The following OXR1 variants were observed in gnomAD, a reference collection of about 807,000 sequenced individuals.
OXR1 encodes oxidation resistance protein 1.
Under a neutral mutation model 104.6 loss-of-function variants are expected in OXR1, and 41 were observed. That is an observed-to-expected ratio of 0.39 (90% CI 0.31 to 0.51). The LOEUF (loss-of-function observed/expected upper bound fraction) is 0.51. Among genes scored for constraint, OXR1 ranks in the 20% least tolerant of loss-of-function variants. OXR1 has a pLI of 0.77. For synonymous variants in OXR1, 348 were observed against 348.4 expected (o/e 1.00, Z 0.01); for missense variants, 955 against 1,031.9 (o/e 0.93, Z 1.02).
intron 3 of OXR1, among the ~76,000 whole-genome samples, chr8:106,605,661 G>A (rs1407321227): frequency 6.6e-6 from 1 of 151,036 alleles, no homozygotes; most frequent in Non-Finnish European, 1.5e-5. Context: ...AATTAGGCGG[G>A]CATGGTGGGC....
chr8:106,676,012 C>T (rs1402062843), intron 3 of OXR1, among the ~76,000 whole-genome samples: 1 of 151,966 alleles, frequency 6.6e-6, no homozygotes, highest in African/African-American at 2.4e-5. Context: ...TTAGATCTTA[C>T]GAATTGAACC....
chr8:106,588,722 G>A (rs1247196046), intron 3 of OXR1, among the ~76,000 whole-genome samples: 4 of 151,824 alleles, frequency 2.6e-5, no homozygotes, highest in African/African-American at 7.3e-5. Flanking sequence ...TTCATGATCC[G>A]CCCTCCTCGG....
chr8:106,381,660 A>C (rs1015559117), intron 2 of OXR1, among the ~76,000 whole-genome samples: 3 of 152,150 alleles, frequency 2.0e-5, no homozygotes, highest in Non-Finnish European at 4.4e-5. Flanking sequence ...TCTAATCTTC[A>C]TTAAATTCCC....
chr8:106,477,308 C>T (rs576828108), intron 2 of OXR1, among the ~76,000 whole-genome samples: 1 of 152,068 alleles, frequency 6.6e-6, no homozygotes, highest in African/African-American at 2.4e-5. Context: ...CGATTACCAT[C>T]TCATGGTGTT....
chr8:106,326,532 T>G (rs148265010), intron 1 of OXR1, among the ~76,000 whole-genome samples: 122 of 152,316 alleles, frequency 8.0e-4, no homozygotes, highest in Middle Eastern at 3.4e-3. Context: ...GATTAGAAAA[T>G]TTTGTTTTAA....
At chr8:106,685,300 A>G (rs1016302862) in intron 6 of OXR1, among the ~76,000 whole-genome samples, 7 of 152,170 alleles carry the variant, frequency 4.6e-5, no homozygotes, top group African/African-American at 1.7e-4. Flanking sequence ...ATGACAAAGT[A>G]ACTACGTAGC....
At chr8:106,745,499 C>T (rs969637840) in intron 15 of OXR1, among the ~76,000 whole-genome samples, 4 of 151,680 alleles carry the variant, frequency 2.6e-5, no homozygotes, top group Non-Finnish European at 4.4e-5. Flanking sequence ...TTCTATTAAC[C>T]GTCCAACTCT....
intron 2 of OXR1, among the ~76,000 whole-genome samples, chr8:106,409,462 A>C (rs770493121): frequency 1.3e-4 from 20 of 152,178 alleles, no homozygotes; most frequent in Non-Finnish European, 2.4e-4. Context: ...ACAGGAAGGG[A>C]GGAGGGATTT....
At chr8:106,669,582 C>T (rs1298957175) in intron 3 of OXR1, among the ~76,000 whole-genome samples, 1 of 151,530 alleles carries the variant, frequency 6.6e-6, no homozygotes, top group Non-Finnish European at 1.5e-5. Context: ...TTAGAAGATA[C>T]TTTTAAAGTG....
At chr8:106,557,117 T>C (rs577543043) in intron 3 of OXR1, among the ~76,000 whole-genome samples, 1 of 152,232 alleles carries the variant, frequency 6.6e-6, no homozygotes, top group African/African-American at 2.4e-5. Flanking sequence ...GTGTTTGCTC[T>C]AATTGTGGTT....
intron 2 of OXR1, among the ~76,000 whole-genome samples, chr8:106,417,278 T>C (rs144926740): frequency 6.6e-6 from 1 of 152,228 alleles, no homozygotes; most frequent in African/African-American, 2.4e-5. Flanking sequence ...ATTCTATTGG[T>C]GTTAGCTATT....
chr8:106,584,460 A>C (rs1437147546), intron 3 of OXR1, among the ~76,000 whole-genome samples: 2 of 152,114 alleles, frequency 1.3e-5, no homozygotes, highest in African/African-American at 2.4e-5. Flanking sequence ...TATTATCATG[A>C]AACTTCAGAA....
At chr8:106,692,577 G>C (rs1481256089) in intron 6 of OXR1, 151 bp from the exon 7 acceptor site, 5 of 458,854 alleles carry the variant, frequency 1.1e-5, no homozygotes, top group African/African-American at 1.0e-4. Context: ...CCTATAATTT[G>C]TACGTAAAAA....
chr8:106,343,590 T>G (rs938464142), intron 1 of OXR1, among the ~76,000 whole-genome samples: 5 of 152,168 alleles, frequency 3.3e-5, no homozygotes, highest in Non-Finnish European at 5.9e-5. Context: ...TTCATAATTA[T>G]CTCATTGCAA....
At chr8:106,424,082 G>A (rs1382719192) in intron 2 of OXR1, among the ~76,000 whole-genome samples, 7 of 151,842 alleles carry the variant, frequency 4.6e-5, no homozygotes, top group African/African-American at 1.2e-4. Flanking sequence ...GACTACAGAC[G>A]TTTGCCACCA....
chr8:106,718,516 G>A (rs1832487560), intron 11 of OXR1, among the ~76,000 whole-genome samples: 1 of 152,158 alleles, frequency 6.6e-6, no homozygotes, highest in Admixed American at 6.5e-5. Context: ...TCTTTTTGTA[G>A]TGTTACTTTG....
intron 9 of OXR1, among the ~76,000 whole-genome samples, chr8:106,708,367 C>T (rs757414349): frequency 3.3e-5 from 5 of 152,124 alleles, no homozygotes; most frequent in Non-Finnish European, 7.4e-5. Flanking sequence ...CCACTGCACT[C>T]CAGCCTGAGC....
chr8:106,687,623 G>C (rs1418178619), intron 6 of OXR1, among the ~76,000 whole-genome samples: 1 of 151,952 alleles, frequency 6.6e-6, no homozygotes, highest in Non-Finnish European at 1.5e-5. Flanking sequence ...AGGAGGCTGA[G>C]GTGGGAGAAT....
At position 106,737,537 on chromosome 8, in the gene OXR1, G is replaced by A. The variant is rs56662704; in HGVS notation, c.1974G>A (p.Glu658=). The part of the protein sequence containing the change: ...AREWEVVSVA[E]YHRRIDALNT... ...ATATTTAGGTAGTGTCAGTGGCTGAGTATCACCGCAGGATCGATGCTCTAA... is the reference window on the plus strand; with the variant it reads ...ATATTTAGGTAGTGTCAGTGGCTGAATATCACCGCAGGATCGATGCTCTAA... Residue 658 remains glutamate, a synonymous_variant, in exon 12 of 17, where the codon GAG becomes GAA. Coordinates refer to ENST00000517566, the MANE Select transcript of OXR1 (RefSeq NM_001198533.2). 7.5e-7 allele frequency: 1 copy of A among 1,331,214 alleles called. No individual in the cohort carries two copies. Among genetic ancestry groups the A allele is most frequent in the Non-Finnish European group, 9.8e-7 (1 of 1,024,332 alleles). 82.5% of individuals were successfully genotyped at this position (1,331,214 alleles called of 1,614,324 possible).
Sources: allele counts gnomAD v4.1 joint callset (sites outside exome capture counted in the v4.1 genomes callset), GRCh38; gene constraint gnomAD v4.1.1; transcripts MANE v1.5; gene names NCBI Gene and HGNC (gene_info 2026-07-23, HGNC 2026-07-21).